Variants in JADE2 observed in about 807,000 individuals in gnomAD.
JADE2 encodes E3 ubiquitin-protein ligase Jade-2.
A neutral mutation model predicts 85.7 loss-of-function variants in JADE2; 13 were observed. The observed-to-expected ratio is 0.15, with a 90% CI of 0.10 to 0.24. JADE2 has a LOEUF of 0.24. Ranked by LOEUF, JADE2 falls within the 10% of genes least tolerant of loss-of-function variation. The probability of loss-of-function intolerance (pLI) is 1.00; values close to 1 mark genes in which losing one functional copy is unlikely to be tolerated. For missense variants in JADE2, 846 were observed against 1,115.9 expected (o/e 0.76, Z 3.45); for synonymous variants, 440 against 456.1 (o/e 0.96, Z 0.45).
At chr5:134,543,303 T>C (rs1368467873) in intron 3 of JADE2, among the ~76,000 whole-genome samples, 1 of 150,922 alleles carries the variant, frequency 6.6e-6, no homozygotes. Flanking sequence ...GTGCTGGGAT[T>C]ACAGGCGTGA....
Position 134,579,497 on chromosome 5 carries a change from C to T in JADE2, c.*180C>T, listed in dbSNP as rs1764595570. 1.7e-6 allele frequency: 1 copy of T among 603,076 alleles called. No homozygotes were observed. The highest frequency in any genetic ancestry group is 2.8e-5 in the East Asian group (1 of 36,014). 37.4% of individuals were successfully genotyped at this position (603,076 alleles called of 1,614,324 possible). ...TCTACACTGTTGTCTTTCCTCTGTG[C>T]TGGCCTAGGACATTAGGATTCCTTC... On this transcript the variant is annotated 3_prime_UTR_variant, in exon 12 of 12. Coordinates refer to ENST00000681547, the MANE Select transcript of JADE2 (RefSeq NM_001388185.1). The surrounding 1 kb of genome is among the most constrained non-coding windows in gnomAD (Gnocchi z 4.6).
At chr5:134,546,150 G>GT (rs1329388760) in intron 3 of JADE2, among the ~76,000 whole-genome samples, 3 of 150,048 alleles carry the variant, frequency 2.0e-5, no homozygotes, top group African/African-American at 7.3e-5. Context: ...TTCGTTTTTT[G>GT]TTTTTTTGTT....
In JADE2 at chr5:134,579,523, C is replaced by T. The variant is rs991539907; in HGVS notation, c.*206C>T. On this transcript the variant is annotated 3_prime_UTR_variant, in exon 12 of 12. Transcript: ENST00000681547. The surrounding 1 kb of genome is among the most constrained non-coding windows in gnomAD (Gnocchi z 4.6). The stretch of plus-strand genomic sequence containing the variant: ...TGGCCTAGGACATTAGGATTCCTTC[C>T]ACGGCTCCGGCCGCTAGGACCCTGC... 101 of 547,788 alleles carry T rather than the reference C, an allele frequency of 1.8e-4. No individual in the cohort carries two copies. In the Middle Eastern group the frequency reaches 4.2e-3, roughly 23 times the overall value. 33.9% of individuals were successfully genotyped at this position (547,788 alleles called of 1,614,324 possible). A position where few individuals can be genotyped will look rare whatever the true frequency, so the allele number is the denominator to read the frequency against.
At position 134,569,238 on chromosome 5, in the gene JADE2, G is replaced by A. The variant is rs142169180; in HGVS notation, c.1434+2658G>A. On this transcript the variant is annotated intron_variant, in intron 9 of 11. Transcript: ENST00000681547. Reference sequence around the variant, plus strand: ...TAGAAGAAGGGAGGCCAGCCCGTGCGCTCTGAGGGTGGGCTCCACAGAGGA... The same window carrying A: ...TAGAAGAAGGGAGGCCAGCCCGTGCACTCTGAGGGTGGGCTCCACAGAGGA... Among the ~76,000 whole-genome samples the A allele has an allele frequency of 1.7e-3, 254 of 152,264 alleles. 2 individuals carry two copies. The highest frequency in any genetic ancestry group is 2.8e-3 in the Non-Finnish European group (191 of 68,022).
chr5:134,536,363 A>G (rs7709457), intron 2 of JADE2, among the ~76,000 whole-genome samples: 4,446 of 152,244 alleles, frequency 0.029, 229 homozygotes, highest in African/African-American at 0.1. Flanking sequence ...CTATATCCCC[A>G]GCTACGATCT....
In JADE2 at chr5:134,576,575, A is replaced by C. The variant is rs372311374; in HGVS notation, c.1553-193A>C. On this transcript the variant is annotated intron_variant, in intron 10 of 11. Coordinates refer to ENST00000681547, the MANE Select transcript of JADE2 (RefSeq NM_001388185.1). Reference sequence around the variant, plus strand: ...CTCCTCGTGGCCCTGTGGCCACCCCAAGTCCCCCACAGGCCACAGTGGACA... The same window carrying C: ...CTCCTCGTGGCCCTGTGGCCACCCCCAGTCCCCCACAGGCCACAGTGGACA... 5.3e-5 allele frequency among the ~76,000 whole-genome samples: 8 copies of C among 151,788 alleles called. No homozygotes were observed. In the South Asian group the frequency reaches 1.5e-3, roughly 28 times the overall value.
intron 10 of JADE2, chr5:134,574,569 T>C (rs1326585349): frequency 1.3e-5 from 2 of 152,398 alleles, no homozygotes; most frequent in East Asian, 1.9e-4. Context: ...TGAGCCACCG[T>C]TGGAGCAAAT....
At chr5:134,552,951 A>G (rs1455426602) in intron 4 of JADE2, among the ~76,000 whole-genome samples, 2 of 127,560 alleles carry the variant, frequency 1.6e-5, no homozygotes, top group Admixed American at 8.5e-5. Context: ...AAGTGCTGGG[A>G]TTGCAGGTAG....
In JADE2 at chr5:134,534,922, GA is replaced by G. The variant is rs1043964414; in HGVS notation, c.1-933del. On this transcript the variant is annotated intron_variant, in intron 1 of 11. Coordinates refer to ENST00000681547, the MANE Select transcript of JADE2 (RefSeq NM_001388185.1). Reference sequence around the variant, plus strand: ...CACCTGGGACTCGTGAGGATTATAGGAAACAGTGGTGGGAAAACACTTTCAG... The same window carrying G: ...CACCTGGGACTCGTGAGGATTATAGGAACAGTGGTGGGAAAACACTTTCAG... Among the ~76,000 whole-genome samples the G allele has an allele frequency of 5.7e-4, 87 of 152,350 alleles. 1 individual carries two copies. Among genetic ancestry groups the G allele is most frequent in the African/African-American group, 1.8e-3 (74 of 41,586 alleles).
rs1251249954 is a variant in JADE2, at chr5:134,562,905, C to T, written c.852+538C>T. On this transcript the variant is annotated intron_variant, in intron 7 of 11. Coordinates refer to ENST00000681547, the MANE Select transcript of JADE2 (RefSeq NM_001388185.1). This position sits in a 1 kb window ranked among gnomAD's most constrained non-coding sequence, Gnocchi z 4.6. ...TTCTATGAGAAAATGGGGTTAGGGA[C>T]CGCTAGGAGATTTCAGGAGATAGGG... 6.6e-6 allele frequency among the ~76,000 whole-genome samples: 1 copy of T among 152,090 alleles called. No homozygotes were observed. Among genetic ancestry groups the T allele is most frequent in the Non-Finnish European group, 1.5e-5 (1 of 68,026 alleles).
At chr5:134,556,052 G>T (rs1348463721) in intron 4 of JADE2, among the ~76,000 whole-genome samples, 2 of 152,144 alleles carry the variant, frequency 1.3e-5, no homozygotes, top group South Asian at 2.1e-4. Flanking sequence ...CTGACATTGG[G>T]TGTGGTGATG....
chr5:134,560,385 G>A (rs533775702), intron 5 of JADE2, among the ~76,000 whole-genome samples: 61 of 152,264 alleles, frequency 4.0e-4, no homozygotes, highest in African/African-American at 1.4e-3. Flanking sequence ...GGGTTAACTC[G>A]ACCCTATTCA....
intron 2 of JADE2, among the ~76,000 whole-genome samples, chr5:134,536,368 C>T (rs538631510): frequency 6.6e-5 from 10 of 152,272 alleles, no homozygotes; most frequent in South Asian, 4.1e-4. Flanking sequence ...TCCCCAGCTA[C>T]GATCTGGCAC....
Position 134,566,058 on chromosome 5 carries a change from C to A in JADE2, c.970-58C>A. On this transcript the variant is annotated intron_variant, in intron 8 of 11. Coordinates refer to ENST00000681547, the MANE Select transcript of JADE2 (RefSeq NM_001388185.1). The surrounding 1 kb of genome is among the most constrained non-coding windows in gnomAD (Gnocchi z 6.7). Reference sequence around the variant, plus strand: ...AGAGCCCTGGGGGAAGCCCCTCTGTCTTCTCCCCTCCCACCAGGCTCCCTC... The same window carrying A: ...AGAGCCCTGGGGGAAGCCCCTCTGTATTCTCCCCTCCCACCAGGCTCCCTC... 1 of 1,463,414 alleles carries A rather than the reference C, an allele frequency of 6.8e-7. No individual in the cohort carries two copies. The highest frequency in any genetic ancestry group is 1.2e-5 in the South Asian group (1 of 80,218). 90.7% of individuals were successfully genotyped at this position (1,463,414 alleles called of 1,614,324 possible). A position where few individuals can be genotyped will look rare whatever the true frequency, so the allele number is the denominator to read the frequency against.
At chr5:134,553,913 T>G (rs1762757125) in intron 4 of JADE2, among the ~76,000 whole-genome samples, 1 of 152,182 alleles carries the variant, frequency 6.6e-6, no homozygotes, top group Non-Finnish European at 1.5e-5. Context: ...TTCAGCCAAG[T>G]GCTTCTTTAT....
At chr5:134,574,666 A>G (rs934535156) in intron 10 of JADE2, 1 of 152,350 alleles carries the variant, frequency 6.6e-6, no homozygotes, top group African/African-American at 2.4e-5. Flanking sequence ...TCTGGCCCCA[A>G]CATCTAGCCT....
At chr5:134,556,066 A>G (rs1239123412) in intron 4 of JADE2, among the ~76,000 whole-genome samples, 1 of 152,084 alleles carries the variant, frequency 6.6e-6, no homozygotes, top group African/African-American at 2.4e-5. Flanking sequence ...GGTGATGGGG[A>G]AGCCCAGGAG....
chr5:134,575,329 G>A (rs755733839), intron 10 of JADE2: 9 of 152,306 alleles, frequency 5.9e-5, no homozygotes, highest in Non-Finnish European at 1.0e-4. Flanking sequence ...TCCTAGTGGA[G>A]ATGATATTTG....
intron 1 of JADE2, among the ~76,000 whole-genome samples, chr5:134,527,771 G>T (rs1469796283): frequency 6.6e-6 from 1 of 151,804 alleles, no homozygotes; most frequent in Non-Finnish European, 1.5e-5. Context: ...AGCCACTGCC[G>T]CTGGCCTGGG....
Sources: gnomAD v4.1 joint callset for allele counts (sites outside exome capture counted in the v4.1 genomes callset) on GRCh38, gnomAD v4.1.1 for gene constraint, Gnocchi (gnomAD v3.1) non-coding constraint, MANE v1.5 for transcripts, NCBI Gene and HGNC (gene_info 2026-07-23, HGNC 2026-07-21) for gene names.